The following LEMD3 variants were observed in gnomAD, a reference collection of about 807,000 sequenced individuals.
The protein encoded by LEMD3 is LEM domain containing 3.
A neutral mutation model predicts 95.2 loss-of-function variants in LEMD3; 33 were observed. The ratio of observed to expected loss-of-function variants is 0.35; its 90% CI spans 0.26 to 0.46. LEMD3 has a LOEUF of 0.46. Ranked by LOEUF, LEMD3 falls within the 20% of genes least tolerant of loss-of-function variation. LEMD3 has a pLI of 1.00. For synonymous variants in LEMD3, 525 were observed against 474.6 expected, an observed-to-expected ratio of 1.11 and a Z score of -1.38; for missense variants, 1,210 against 1,192.8, an observed-to-expected ratio of 1.01 and a Z score of -0.21.
intron 4 of LEMD3, among the ~76,000 whole-genome samples, chr12:65,225,766 G>C (rs1870429592): frequency 6.6e-6 from 1 of 152,156 alleles, no homozygotes; most frequent in Admixed American, 6.5e-5. Context: ...ATTTTTAGGA[G>C]AGACGGGGTT....
chr12:65,222,349 G>A (rs1467758724), intron 4 of LEMD3, among the ~76,000 whole-genome samples: 1 of 151,786 alleles, frequency 6.6e-6, no homozygotes, highest in Non-Finnish European at 1.5e-5. Context: ...GTTTGCTAGT[G>A]TTTTTTTGAG....
rs773651512 is a variant in LEMD3 at position 65,169,947 on chromosome 12, C to T, written c.351C>T (p.Ser117=). Residue 117 remains serine (S), a synonymous_variant, in exon 1 of 13, where the codon AGC becomes AGT. Transcript: ENST00000308330. ...GAATCTCGGCCTCTGGCCCAGAGAGCCTCCTGGGAGGGCCCGGGGGCGCCT... is the reference window on the plus strand; with the variant it reads ...GAATCTCGGCCTCTGGCCCAGAGAGTCTCCTGGGAGGGCCCGGGGGCGCCT... The part of the protein sequence containing the change: ...LCRISASGPE[S]LLGGPGGASA... 1.8e-5 allele frequency: 26 copies of T among 1,455,322 alleles called. 2 individuals are homozygous for T. The South Asian group carries it at 3.5e-4, about 19-fold the overall frequency. The allele number at this position is 1,455,322 out of a possible 1,614,324, so 90.2% of individuals were successfully genotyped here.
At chr12:65,199,082 T>G (rs1052939228) in intron 1 of LEMD3, among the ~76,000 whole-genome samples, 1 of 152,138 alleles carries the variant, frequency 6.6e-6, no homozygotes, top group Admixed American at 6.6e-5. Context: ...AACTTTATAG[T>G]TTATCTTAGA....
intron 1 of LEMD3, among the ~76,000 whole-genome samples, chr12:65,174,075 G>C (rs1868637760): frequency 6.6e-6 from 1 of 152,144 alleles, no homozygotes; most frequent in Non-Finnish European, 1.5e-5. Context: ...GTTTTCACCA[G>C]AAGATTGTAG....
chr12:65,240,874 A>G (rs751655351), intron 8 of LEMD3, 35 bp from the exon 9 acceptor site: 2 of 1,584,586 alleles, frequency 1.3e-6, no homozygotes, highest in East Asian at 2.2e-5. Flanking sequence ...ACAAGCCAAG[A>G]TGATAGTAAA....
chr12:65,218,714 G>C (rs1281694307), intron 4 of LEMD3, 95 bp downstream of exon 4: 1 of 708,960 alleles, frequency 1.4e-6, no homozygotes, highest in African/African-American at 1.8e-5. Flanking sequence ...TATTTTAATT[G>C]TACTGTTAAA....
Position 65,199,586 on chromosome 12 carries a change from A to G in LEMD3, c.1523-11340A>G, listed in dbSNP as rs992825427. 3.3e-5 allele frequency among the ~76,000 whole-genome samples: 5 copies of G among 152,096 alleles called. No homozygotes were observed. The South Asian group carries it at 6.2e-4, about 19-fold the overall frequency. On this transcript the variant is annotated intron_variant, in intron 1 of 12. Transcript: ENST00000308330. The stretch of plus-strand genomic sequence containing the variant: ...TATGAATTTCTAAAAATAAGGCTAT[A>G]TTAAACATCATTCTAAAACCAAAAA...
chr12:65,172,269 C>T lies in LEMD3; in HGVS notation c.1522+1151C>T, dbSNP rs112797954. Among the ~76,000 whole-genome samples the T allele has an allele frequency of 2.2e-3, 328 of 152,274 alleles. 1 individual carries two copies. The highest frequency in any genetic ancestry group is 7.7e-3 in the African/African-American group (319 of 41,532). On this transcript the variant is annotated intron_variant, in intron 1 of 12. Transcript: ENST00000308330. ...ATGGACTTCTGAATACATAATTTCT[C>T]AGTGTTAGGTCCCTCTCTGCATTCT...
intron 1 of LEMD3, among the ~76,000 whole-genome samples, chr12:65,187,217 G>A (rs1013564351): frequency 6.6e-6 from 1 of 152,044 alleles, no homozygotes; most frequent in Non-Finnish European, 1.5e-5. Flanking sequence ...GGGTTTGAGG[G>A]AGATAATGTT....
intron 1 of LEMD3, among the ~76,000 whole-genome samples, chr12:65,203,646 T>A (rs2136331702): frequency 6.6e-6 from 1 of 152,342 alleles, no homozygotes; most frequent in African/African-American, 2.4e-5. Flanking sequence ...TTGTTCATTA[T>A]ATCCAGTTAA....
chr12:65,246,291 G>C lies in LEMD3; in HGVS notation c.2702G>C (p.Arg901Pro), dbSNP rs376532238. ...AACTCCATGTCTCATCTTCGTCTTC[G>C]GACTGGCCTAACCAATTCTCAAGGA... is the stretch of plus-strand genomic sequence containing the variant. ...HMNSMSHLRL[R>P]TGLTNSQGSS The change falls in exon 13 of 13, where the codon CGG (arginine) becomes CCG (proline). Residue 901 changes from arginine (R) to proline (P), a missense_variant. Coordinates refer to ENST00000308330, the MANE Select transcript of LEMD3 (RefSeq NM_014319.5). 6.2e-7 allele frequency: 1 copy of C among 1,613,466 alleles called. No homozygotes were observed. The highest frequency in any genetic ancestry group is 8.5e-7 in the Non-Finnish European group (1 of 1,179,712).
chr12:65,180,163 C>G (rs1050756468), intron 1 of LEMD3, among the ~76,000 whole-genome samples: 6 of 151,972 alleles, frequency 3.9e-5, no homozygotes, highest in African/African-American at 1.4e-4. Flanking sequence ...CCAGGCTGGT[C>G]TTAAACTCCT....
In LEMD3 at chr12:65,246,525, C is replaced by G; in HGVS notation, c.*200C>G. The G allele has an allele frequency of 1.7e-6, 1 of 579,610 alleles. No homozygotes were observed. Among genetic ancestry groups the G allele is most frequent in the Non-Finnish European group, 3.1e-6 (1 of 327,544 alleles). 35.9% of individuals were successfully genotyped at this position (579,610 alleles called of 1,614,324 possible). On this transcript the variant is annotated 3_prime_UTR_variant, in exon 13 of 13. Transcript: ENST00000308330. ...GAGTAGGTAGGATAATTATTTCATT[C>G]AGTTTTTGGAGCTCAGTTAAGCCAA...
intron 4 of LEMD3, among the ~76,000 whole-genome samples, chr12:65,236,606 T>TA (rs1870780540): frequency 6.6e-6 from 1 of 152,016 alleles, no homozygotes; most frequent in East Asian, 1.9e-4. Context: ...ATACTAATAA[T>TA]ACAAGCTCCA....
rs143725794 is a variant in LEMD3 at position 65,187,028 on chromosome 12, G to A, written c.1522+15910G>A. Among the ~76,000 whole-genome samples, 1,239 of 152,162 alleles carry A rather than the reference G, an allele frequency of 8.1e-3. 10 individuals carry two copies. Among genetic ancestry groups the A allele is most frequent in the Middle Eastern group, 0.037 (11 of 294 alleles). On this transcript the variant is annotated intron_variant, in intron 1 of 12. Transcript: ENST00000308330. ...AGCTTTACCAATTTATTACAGGGTT[G>A]TTGCCATACTTTTATTTTTCCTAAT...
intron 4 of LEMD3, among the ~76,000 whole-genome samples, chr12:65,235,868 C>CT (rs1870757953): frequency 6.6e-6 from 1 of 151,540 alleles, no homozygotes; most frequent in East Asian, 1.9e-4. Context: ...ATATATAAAC[C>CT]TTTTTTCAAT....
rs904376737 is a variant in LEMD3, at chr12:65,243,279, G to T, written c.2306-109G>T. The T allele has an allele frequency of 2.2e-5, 16 of 735,668 alleles. No homozygotes were observed. The East Asian group carries it at 3.8e-4, about 18-fold the overall frequency. 45.6% of individuals were successfully genotyped at this position (735,668 alleles called of 1,614,324 possible). A position where few individuals can be genotyped will look rare whatever the true frequency, so the allele number is the denominator to read the frequency against. On this transcript the variant is annotated intron_variant, in intron 9 of 12. Transcript: ENST00000308330. ...ACCTTAACATCTAACCAGGGGTCTG[G>T]CTCCTAGTAAAAGCATGCAGTGAAT...
chr12:65,172,440 G>T (rs942077876), intron 1 of LEMD3, among the ~76,000 whole-genome samples: 1 of 152,136 alleles, frequency 6.6e-6, no homozygotes, highest in African/African-American at 2.4e-5. Context: ...TCAAAATAAT[G>T]TAAGCTTAGA....
intron 1 of LEMD3, among the ~76,000 whole-genome samples, chr12:65,204,464 G>A (rs1869702737): frequency 1.3e-5 from 2 of 152,066 alleles, no homozygotes; most frequent in African/African-American, 4.8e-5. Context: ...GTTTGCTGAG[G>A]ATAATGGCCT....
Sources: allele counts gnomAD v4.1 joint callset (sites outside exome capture counted in the v4.1 genomes callset), GRCh38; gene constraint gnomAD v4.1.1; transcripts MANE v1.5; gene names NCBI Gene and HGNC (gene_info 2026-07-23, HGNC 2026-07-21).